The following MAGED1 variants were observed in gnomAD, a reference collection of about 807,000 sequenced individuals.
The protein encoded by MAGED1 is MAGE family member D1, also known as melanoma-associated antigen D1.
Under a neutral mutation model 54.1 loss-of-function variants are expected in MAGED1, and 3 were observed. That is an observed-to-expected ratio of 0.06 (90% confidence interval 0.03 to 0.14). The LOEUF (loss-of-function observed/expected upper bound fraction) is 0.14. Ranked by LOEUF, MAGED1 falls within the 10% of genes least tolerant of loss-of-function variation. The pLI is 1.00. For synonymous variants in MAGED1, 217 were observed against 227.3 expected (o/e 0.95, Z 0.41); for missense variants, 485 against 623.4 (o/e 0.78, Z 2.36).
At chrX:51,891,728 C>T (rs1031071257), upstream of MAGED1, among the ~76,000 whole-genome samples, 4 of 111,938 alleles carry the variant, frequency 3.6e-5, no homozygotes, top group Non-Finnish European at 5.6e-5. Context: ...ATGAAGGAAT[C>T]GGTTTGGGAC....
chrX:51,840,027 G>T (rs1272550812), intron 1 of MAGED1, among the ~76,000 whole-genome samples: 1 of 111,890 alleles, frequency 8.9e-6, no homozygotes, highest in African/African-American at 3.2e-5. Flanking sequence ...TCATTATCTT[G>T]CAGTGTTACA....
intron 1 of MAGED1, among the ~76,000 whole-genome samples, chrX:51,828,021 A>G (rs190466071): frequency 2.7e-5 from 3 of 111,874 alleles, no homozygotes; most frequent in Admixed American, 9.5e-5. Context: ...CTTTTCATGT[A>G]TATTTTTTAG....
intron 1 of MAGED1, among the ~76,000 whole-genome samples, chrX:51,840,466 G>C (rs912519033): frequency 5.5e-5 from 6 of 108,886 alleles, no homozygotes; most frequent in African/African-American, 1.0e-4. Flanking sequence ...TAAGTTTTAG[G>C]GTACATGTGC....
At position 51,895,289 on chromosome X, in the gene MAGED1, C is replaced by A. The variant is rs944614430; in HGVS notation, c.282C>A (p.Phe94Leu). ...AAGGCCCAAATGGTGTCTATGATTTCTCTCAGGCTCATAATGCCAAGGATG... is the reference window on the plus strand; with the variant it reads ...AAGGCCCAAATGGTGTCTATGATTTATCTCAGGCTCATAATGCCAAGGATG... ...TTKGPNGVYD[F>L]SQAHNAKDVP... Residue 94 changes from phenylalanine (F) to leucine (L), a missense_variant, in exon 3 of 13, where the codon TTC becomes TTA. Physicochemically the swap from Phe to Leu is conservative, Grantham distance 22. This residue lies in a region of MAGED1 where 299 missense variants were observed against 293.1 expected (regional missense o/e 1.02). Coordinates refer to ENST00000326587, the MANE Select transcript of MAGED1 (RefSeq NM_006986.4). 5 of 1,209,520 alleles carry A rather than the reference C, an allele frequency of 4.1e-6. No individual in the cohort carries two copies. In the African/African-American group the frequency reaches 7.0e-5, roughly 17 times the overall value.
At chrX:51,899,486 A>G (rs1230250399) in intron 10 of MAGED1, 1 of 111,498 alleles carries the variant, frequency 9.0e-6, no homozygotes, top group East Asian at 2.8e-4. Context: ...TCTGTTGCCC[A>G]TGCTGGAGTG....
At chrX:51,810,689 A>G (rs1266060418) in intron 1 of MAGED1, among the ~76,000 whole-genome samples, 4 of 111,896 alleles carry the variant, frequency 3.6e-5, no homozygotes, top group East Asian at 2.8e-4. Flanking sequence ...AATGGGCTAT[A>G]GGAGCACAGA....
intron 1 of MAGED1, among the ~76,000 whole-genome samples, chrX:51,843,868 A>C (rs1557359003): frequency 1.8e-5 from 2 of 111,674 alleles, no homozygotes; most frequent in Non-Finnish European, 3.8e-5. Flanking sequence ...GAGAAGTGTG[A>C]TAGAAAAAGC....
chrX:51,894,417 G>C, intron 2 of MAGED1, 68 bp downstream of exon 2: 1 of 1,038,022 alleles, frequency 9.6e-7, no homozygotes, highest in Non-Finnish European at 1.3e-6. Context: ...GGGCCTCTTT[G>C]GTCTCCCAAA....
chrX:51,898,475 C>G (rs1204191575), intron 9 of MAGED1, 106 bp from the exon 10 acceptor site: 2 of 962,358 alleles, frequency 2.1e-6, no homozygotes, highest in African/African-American at 3.9e-5. Context: ...GATGGGGAAA[C>G]AGTTCTGAAC....
chrX:51,837,567 A>G (rs782791536), intron 1 of MAGED1, among the ~76,000 whole-genome samples: 10 of 112,525 alleles, frequency 8.9e-5, no homozygotes, highest in African/African-American at 1.3e-4. Flanking sequence ...CTGTTTGACA[A>G]GAATTTCCTG....
intron 1 of MAGED1, among the ~76,000 whole-genome samples, chrX:51,883,638 T>TC (rs1928139092): frequency 8.9e-6 from 1 of 112,197 alleles, no homozygotes; most frequent in African/African-American, 3.2e-5. Context: ...TCAACACACA[T>TC]CAACATCAAG....
At chrX:51,805,774 T>C (rs1557355008) in intron 1 of MAGED1, among the ~76,000 whole-genome samples, 1 of 108,973 alleles carries the variant, frequency 9.2e-6, no homozygotes, top group Non-Finnish European at 1.9e-5. Flanking sequence ...ACTCTCTTTC[T>C]CCATGCATCC....
chrX:51,827,405 G>A (rs187599864), intron 1 of MAGED1, among the ~76,000 whole-genome samples: 6 of 112,185 alleles, frequency 5.3e-5, no homozygotes, highest in Non-Finnish European at 1.1e-4. Flanking sequence ...ATGAATAGAC[G>A]GAGCACATGG....
At chrX:51,874,922 C>T (rs1260577512) in intron 1 of MAGED1, among the ~76,000 whole-genome samples, 1 of 110,104 alleles carries the variant, frequency 9.1e-6, no homozygotes, top group Non-Finnish European at 1.9e-5. Context: ...TTTTATATTC[C>T]TACAAAGCTA....
chrX:51,898,445 C>T lies in MAGED1; in HGVS notation c.1781+118C>T, dbSNP rs1183883891. 4 of 996,372 alleles carry T rather than the reference C, an allele frequency of 4.0e-6. No homozygotes were observed. In the East Asian group the frequency reaches 9.4e-5, roughly 23 times the overall value. 82.1% of individuals were successfully genotyped at this position (996,372 alleles called of 1,213,427 possible). On this transcript the variant is annotated intron_variant, in intron 9 of 12. Coordinates refer to ENST00000326587, the MANE Select transcript of MAGED1 (RefSeq NM_006986.4). Reference sequence around the variant, plus strand: ...GGTTTGGTTTGGGGATGTTCAGAGCCCAAAGATGTGACCTGGGTGGATGGG... The same window carrying T: ...GGTTTGGTTTGGGGATGTTCAGAGCTCAAAGATGTGACCTGGGTGGATGGG...
At chrX:51,893,963 G>GATTCCTC (rs1928574438) in intron 1 of MAGED1, among the ~76,000 whole-genome samples, 1 of 108,165 alleles carries the variant, frequency 9.2e-6, no homozygotes, top group Non-Finnish European at 1.9e-5. Flanking sequence ...GATCTGTACT[G>GATTCCTC]TTAGATGATT....
At chrX:51,832,910 C>A (rs1239888424) in intron 1 of MAGED1, among the ~76,000 whole-genome samples, 2 of 111,608 alleles carry the variant, frequency 1.8e-5, no homozygotes, top group African/African-American at 6.5e-5. Flanking sequence ...ATTAATTTCT[C>A]ATAAAAGCAC....
intron 1 of MAGED1, among the ~76,000 whole-genome samples, chrX:51,847,529 A>G (rs1360186681): frequency 9.2e-5 from 10 of 109,153 alleles, no homozygotes; most frequent in African/African-American, 3.3e-4. Context: ...TTGAAGGGTG[A>G]GGGGAATGGA....
Position 51,815,736 on chromosome X carries a change from G to A in MAGED1, c.-37+12619G>A, listed in dbSNP as rs183905711. Among the ~76,000 whole-genome samples the A allele has an allele frequency of 6.8e-3, 749 of 110,235 alleles. 9 individuals carry two copies. Among genetic ancestry groups the A allele is most frequent in the African/African-American group, 0.023 (701 of 30,269 alleles). The stretch of plus-strand genomic sequence containing the variant: ...GGGTTTCTCCATGTTGGTCAGGCTG[G>A]TGTCGAATTCCTGACCTCAGGTGAT... On this transcript the variant is annotated intron_variant, in intron 1 of 12. Transcript: ENST00000375772.
Sources: gnomAD v4.1 joint callset for allele counts (sites outside exome capture counted in the v4.1 genomes callset) on GRCh38, gnomAD v4.1.1 for gene constraint, gnomAD v4.1.1 regional missense constraint, MANE v1.5 for transcripts, NCBI Gene and HGNC (gene_info 2026-07-23, HGNC 2026-07-21) for gene names.